XXYLT1: variants seen among roughly 807,000 people sequenced by gnomAD.
XXYLT1 encodes the protein xyloside xylosyltransferase 1.
Under a neutral mutation model 28.9 loss-of-function variants are expected in XXYLT1, and 20 were observed. The ratio of observed to expected loss-of-function variants is 0.69; its 90% CI spans 0.49 to 1.00. The LOEUF (loss-of-function observed/expected upper bound fraction) is 1.00, where lower values mean the gene tolerates loss of function less well. Among genes scored for constraint, XXYLT1 ranks in the 50% least tolerant of loss-of-function variants. The pLI, the probability that XXYLT1 is intolerant of heterozygous loss-of-function variation, is 0.00. For missense variants in XXYLT1, 542 were observed against 560.1 expected (o/e 0.97, Z 0.33); for synonymous variants, 257 against 253.8 (o/e 1.01, Z -0.12).
intron 3 of XXYLT1, among the ~76,000 whole-genome samples, chr3:195,109,440 G>A (rs1434825839): frequency 1.3e-5 from 2 of 151,750 alleles, no homozygotes; most frequent in African/African-American, 2.4e-5. Context: ...GTGTATGAGT[G>A]TGTGGTATAT....
At chr3:195,155,022 C>T (rs188985484) in intron 3 of XXYLT1, among the ~76,000 whole-genome samples, 5 of 152,194 alleles carry the variant, frequency 3.3e-5, no homozygotes, top group African/African-American at 1.2e-4. Context: ...TCTGCCCAAA[C>T]CCTCTCAAGT....
At chr3:195,169,595 C>T (rs1287627495) in intron 2 of XXYLT1, among the ~76,000 whole-genome samples, 1 of 151,998 alleles carries the variant, frequency 6.6e-6, no homozygotes, top group Non-Finnish European at 1.5e-5. Flanking sequence ...ATCAAGGCAT[C>T]AAATGTATTC....
At chr3:195,212,766 A>G (rs943622596) in intron 2 of XXYLT1, among the ~76,000 whole-genome samples, 53 of 152,080 alleles carry the variant, frequency 3.5e-4, no homozygotes, top group African/African-American at 1.3e-3. Context: ...TCCACTGAAA[A>G]ACTGTCTTCT....
chr3:195,247,874 T>C (rs1478435643), intron 1 of XXYLT1: 3 of 695,022 alleles, frequency 4.3e-6, no homozygotes, highest in South Asian at 1.5e-5. Flanking sequence ...GGGGAAGCGC[T>C]ACACACTTTC....
rs908050177 is a variant in XXYLT1 at position 195,160,800 on chromosome 3, C to A, written c.653-4219G>T. On this transcript the variant is annotated intron_variant, in intron 2 of 3. Coordinates refer to ENST00000310380, the MANE Select transcript of XXYLT1 (RefSeq NM_152531.5). The stretch of plus-strand genomic sequence containing the variant: ...GTCTGAGCATGTGGTAGAGGGTCCG[C>A]CCCGCGACGCACAGACCCAGGGCGT... Among the ~76,000 whole-genome samples, 6 of 152,208 alleles carry A rather than the reference C, an allele frequency of 3.9e-5. 1 individual carries two copies. The highest frequency in any genetic ancestry group is 6.3e-3 in the Middle Eastern group (2 of 316).
chr3:195,158,736 C>T (rs150420492), intron 2 of XXYLT1, among the ~76,000 whole-genome samples: 1 of 152,346 alleles, frequency 6.6e-6, no homozygotes, highest in African/African-American at 2.4e-5. Flanking sequence ...CCCTGTGCAG[C>T]CTGCACTGTC....
rs992461741 is a variant in XXYLT1, at chr3:195,210,897, C to T, written c.652+15812G>A. Among the ~76,000 whole-genome samples, 5 of 152,196 alleles carry T rather than the reference C, an allele frequency of 3.3e-5. No homozygotes were observed. The highest frequency in any genetic ancestry group is 2.1e-4 in the South Asian group (1 of 4,830). Reference sequence around the variant, plus strand: ...ACACCAAGAACCCCTGCTCCTCCCCCCAGCTGAACGCTGACAGTCAAGGGC... The same window carrying T: ...ACACCAAGAACCCCTGCTCCTCCCCTCAGCTGAACGCTGACAGTCAAGGGC... On this transcript the variant is annotated intron_variant, in intron 2 of 3. Coordinates refer to ENST00000310380, the MANE Select transcript of XXYLT1 (RefSeq NM_152531.5). This position sits in a 1 kb window ranked among gnomAD's most constrained non-coding sequence, Gnocchi z 4.8.
chr3:195,095,021 C>A (rs1159921945), intron 3 of XXYLT1, among the ~76,000 whole-genome samples: 1 of 152,234 alleles, frequency 6.6e-6, no homozygotes, highest in Non-Finnish European at 1.5e-5. Flanking sequence ...GGTTAAAATG[C>A]AGACTGGGAT....
At position 195,069,587 on chromosome 3, in the gene XXYLT1, A is replaced by G. The variant is rs1166666988; in HGVS notation, c.*128T>C. Reference sequence around the variant, plus strand: ...AGTGACCTGCCCGGCAGGAGGTCTCAGCACCTTAATCACAGGACTTCCCTG... The same window carrying G: ...AGTGACCTGCCCGGCAGGAGGTCTCGGCACCTTAATCACAGGACTTCCCTG... On this transcript the variant is annotated 3_prime_UTR_variant, in exon 4 of 4. Transcript: ENST00000310380. 1.5e-6 allele frequency: 2 copies of G among 1,374,660 alleles called. No homozygotes were observed. The highest frequency in any genetic ancestry group is 1.4e-5 in the South Asian group (1 of 71,682). 85.2% of individuals were successfully genotyped at this position (1,374,660 alleles called of 1,614,324 possible).
intron 1 of XXYLT1, among the ~76,000 whole-genome samples, chr3:195,252,928 T>C (rs1326317357): frequency 6.6e-6 from 1 of 152,156 alleles, no homozygotes; most frequent in Non-Finnish European, 1.5e-5. Context: ...GTGGGTCCCC[T>C]ATTCAGTAAC....
intron 3 of XXYLT1, chr3:195,146,959 C>T (rs771324826): frequency 2.8e-4 from 43 of 153,742 alleles, no homozygotes; most frequent in Non-Finnish European, 5.3e-4. Flanking sequence ...CCTGCCTCAG[C>T]CTTCCAAGTA....
At chr3:195,118,383 C>T (rs1392092002) in intron 3 of XXYLT1, among the ~76,000 whole-genome samples, 2 of 152,222 alleles carry the variant, frequency 1.3e-5, no homozygotes, top group African/African-American at 2.4e-5. Flanking sequence ...CCCGTGGCCA[C>T]CACTAGCGTG....
At chr3:195,161,345 A>G (rs1403375879) in intron 2 of XXYLT1, among the ~76,000 whole-genome samples, 1 of 152,162 alleles carries the variant, frequency 6.6e-6, no homozygotes, top group Non-Finnish European at 1.5e-5. Context: ...AAGCCTTCGG[A>G]CATCTCTGAA....
chr3:195,221,516 A>G (rs1315325405), intron 2 of XXYLT1, among the ~76,000 whole-genome samples: 4 of 152,222 alleles, frequency 2.6e-5, no homozygotes, highest in African/African-American at 4.8e-5. Flanking sequence ...GGGGGATGAC[A>G]GGAGAGTCTC....
At chr3:195,158,799 C>T (rs369214408) in intron 2 of XXYLT1, among the ~76,000 whole-genome samples, 9 of 152,316 alleles carry the variant, frequency 5.9e-5, no homozygotes, top group African/African-American at 1.2e-4. Flanking sequence ...TGAAATAAGA[C>T]GCCAAGTTGT....
chr3:195,072,292 G>A (rs1714866422), intron 3 of XXYLT1, among the ~76,000 whole-genome samples: 1 of 152,208 alleles, frequency 6.6e-6, no homozygotes, highest in Non-Finnish European at 1.5e-5. Flanking sequence ...GGTTGAGTGA[G>A]GAGCAGGAAC....
At chr3:195,269,870 T>G (rs1006073564) in intron 1 of XXYLT1, among the ~76,000 whole-genome samples, 1 of 152,118 alleles carries the variant, frequency 6.6e-6, no homozygotes, top group Non-Finnish European at 1.5e-5. Flanking sequence ...TAAACAGAGA[T>G]GGAAGCTGTC....
rs554527055 is a variant in XXYLT1, at chr3:195,258,470, T to A, written c.504+12085A>T. Reference sequence around the variant, plus strand: ...CATCAAAATTTGACCAGAAATTGTATAATTGTGCACCATTTACTATAAACA... The same window carrying A: ...CATCAAAATTTGACCAGAAATTGTAAAATTGTGCACCATTTACTATAAACA... On this transcript the variant is annotated intron_variant, in intron 1 of 3. Transcript: ENST00000310380. 9.2e-5 allele frequency among the ~76,000 whole-genome samples: 14 copies of A among 152,362 alleles called. No homozygotes were observed. The East Asian group carries it at 1.7e-3, about 19-fold the overall frequency.
Position 195,176,962 on chromosome 3 carries a change from C to T in XXYLT1, c.653-20381G>A, listed in dbSNP as rs1010881588. On this transcript the variant is annotated intron_variant, in intron 2 of 3. Coordinates refer to ENST00000310380, the MANE Select transcript of XXYLT1 (RefSeq NM_152531.5). The surrounding 1 kb of genome is among the most constrained non-coding windows in gnomAD (Gnocchi z 4.9). Reference sequence around the variant, plus strand: ...CCCGGCCTGCTGCCGCTGCTGACGTCCCCCCGCCACAGCAGGTCGGGGACC... The same window carrying T: ...CCCGGCCTGCTGCCGCTGCTGACGTTCCCCCGCCACAGCAGGTCGGGGACC... 7.2e-6 allele frequency among the ~76,000 whole-genome samples: 1 copy of T among 138,246 alleles called. No individual in the cohort carries two copies. The highest frequency in any genetic ancestry group is 1.5e-5 in the Non-Finnish European group (1 of 67,964). 90.7% of individuals were successfully genotyped at this position (138,246 alleles called of 152,430 possible).
Sources: gnomAD v4.1 joint callset for allele counts (sites outside exome capture counted in the v4.1 genomes callset) on GRCh38, gnomAD v4.1.1 for gene constraint, Gnocchi (gnomAD v3.1) non-coding constraint, MANE v1.5 for transcripts, NCBI Gene and HGNC (gene_info 2026-07-23, HGNC 2026-07-21) for gene names.